AGBL4: variants seen among roughly 807,000 people sequenced by gnomAD.
AGBL4 encodes the protein AGBL carboxypeptidase 4, also known as cytosolic carboxypeptidase 6.
In AGBL4, 58 loss-of-function variants were observed where a neutral mutation model predicts 66.4. The ratio of observed to expected loss-of-function variants is 0.87; its 90% confidence interval spans 0.71 to 1.09. The LOEUF (loss-of-function observed/expected upper bound fraction) is 1.09, where lower values mean the gene tolerates loss of function less well. AGBL4 is among the 50% of genes least tolerant of loss of function. The pLI is 0.00. For synonymous variants in AGBL4, 234 were observed against 222.9 expected, an observed-to-expected ratio of 1.05 and a Z score of -0.44; for missense variants, 579 against 631.0, an observed-to-expected ratio of 0.92 and a Z score of 0.88.
chr1:49,530,259 T>TAAAAAAAAAAAACAA lies in AGBL4; in HGVS notation c.282+167053_282+167054insTTGTTTTTTTTTTTT, dbSNP rs1553221111. ...CAGCTATGTTTTCAAGTAGAATTTGTAAAAAAAAAAAAACAAAAAAAAACT... is the reference window on the plus strand; with the variant it reads ...CAGCTATGTTTTCAAGTAGAATTTGTAAAAAAAAAAAACAAAAAAAAAAAAAAACAAAAAAAAACT... On this transcript the variant is annotated intron_variant, in intron 3 of 13. Coordinates refer to ENST00000371839, the MANE Select transcript of AGBL4 (RefSeq NM_032785.4). Among the ~76,000 whole-genome samples, 6 of 75,988 alleles carry TAAAAAAAAAAAACAA rather than the reference T, an allele frequency of 7.9e-5. No individual in the cohort carries two copies. The East Asian group carries it at 1.5e-3, about 19-fold the overall frequency. The allele number at this position is 75,988 out of a possible 152,430, so 49.9% of individuals were successfully genotyped here.
intron 11 of AGBL4, among the ~76,000 whole-genome samples, chr1:48,557,984 A>G (rs1313101154): frequency 1.3e-5 from 2 of 152,186 alleles, no homozygotes; most frequent in African/African-American, 4.8e-5. Context: ...TACACCATCA[A>G]ATAATGCTGT....
chr1:49,418,549 C>A (rs1023169645), intron 3 of AGBL4, among the ~76,000 whole-genome samples: 4 of 152,112 alleles, frequency 2.6e-5, no homozygotes, highest in African/African-American at 7.2e-5. Context: ...CAACAAAAAA[C>A]CAAGACTCAG....
chr1:49,400,167 C>T (rs1009085627), intron 3 of AGBL4, among the ~76,000 whole-genome samples: 7 of 152,182 alleles, frequency 4.6e-5, no homozygotes, highest in African/African-American at 1.7e-4. Flanking sequence ...TTCTTGGCAA[C>T]TTTGTCAAAA....
At chr1:49,566,959 C>T (rs1200631514) in intron 3 of AGBL4, among the ~76,000 whole-genome samples, 2 of 152,202 alleles carry the variant, frequency 1.3e-5, no homozygotes, top group Non-Finnish European at 2.9e-5. Flanking sequence ...TTTGAGCTTC[C>T]CTCTCGGCTG....
At chr1:49,266,627 A>G (rs1470542848) in intron 3 of AGBL4, among the ~76,000 whole-genome samples, 2 of 151,642 alleles carry the variant, frequency 1.3e-5, no homozygotes, top group African/African-American at 2.4e-5. Flanking sequence ...ACACACACAC[A>G]CACGCGAAGG....
chr1:49,130,371 G>C (rs982207214), intron 4 of AGBL4, among the ~76,000 whole-genome samples: 1 of 152,190 alleles, frequency 6.6e-6, no homozygotes, highest in Non-Finnish European at 1.5e-5. Flanking sequence ...TGGTGTTTTA[G>C]ACATGAAGTC....
intron 5 of AGBL4, among the ~76,000 whole-genome samples, chr1:49,039,776 T>G (rs1006819190): frequency 6.6e-6 from 1 of 152,100 alleles, no homozygotes; most frequent in Non-Finnish European, 1.5e-5. Context: ...TGGCCTTCTG[T>G]TAGACAAGAG....
chr1:49,020,990 A>G (rs1414824975), intron 5 of AGBL4, among the ~76,000 whole-genome samples: 2 of 152,206 alleles, frequency 1.3e-5, no homozygotes, highest in African/African-American at 4.8e-5. Flanking sequence ...TGCAAGTCTG[A>G]GAGAAGACAA....
intron 4 of AGBL4, among the ~76,000 whole-genome samples, chr1:49,173,621 A>G (rs1029223835): frequency 2.0e-5 from 3 of 152,222 alleles, no homozygotes; most frequent in Non-Finnish European, 2.9e-5. Flanking sequence ...TACTAATGAA[A>G]AAAGATATGT....
chr1:49,658,631 G>A (rs1003434428), intron 3 of AGBL4, among the ~76,000 whole-genome samples: 6 of 152,146 alleles, frequency 3.9e-5, no homozygotes, highest in Non-Finnish European at 4.4e-5. Context: ...ATGATAGACT[G>A]GATTAAGAAA....
At chr1:48,651,884 C>T (rs1286499478) in intron 8 of AGBL4, among the ~76,000 whole-genome samples, 1 of 152,174 alleles carries the variant, frequency 6.6e-6, no homozygotes, top group Non-Finnish European at 1.5e-5. Flanking sequence ...GTAAAGTCAT[C>T]CTTCTCATCT....
intron 5 of AGBL4, among the ~76,000 whole-genome samples, chr1:48,989,579 T>C (rs1404311363): frequency 6.6e-6 from 1 of 152,100 alleles, no homozygotes; most frequent in East Asian, 1.9e-4. Flanking sequence ...CTCCATGAGT[T>C]CAATTGTTTT....
intron 6 of AGBL4, among the ~76,000 whole-genome samples, chr1:48,678,722 A>G (rs191485381): frequency 1.3e-5 from 2 of 152,284 alleles, no homozygotes; most frequent in East Asian, 1.9e-4. Context: ...GTAAATGTCT[A>G]TTTGTCTTCC....
intron 6 of AGBL4, among the ~76,000 whole-genome samples, chr1:48,828,209 G>T (rs1426272191): frequency 1.3e-5 from 2 of 149,702 alleles, no homozygotes; most frequent in Non-Finnish European, 3.0e-5. Flanking sequence ...AAGAAAAAAA[G>T]AAAATGGGGT....
chr1:49,932,902 G>T (rs1653510482), intron 1 of AGBL4, among the ~76,000 whole-genome samples: 5 of 152,084 alleles, frequency 3.3e-5, no homozygotes, highest in Admixed American at 3.3e-4. Context: ...AAGAGTCAAG[G>T]AAGTCTACAA....
intron 2 of AGBL4, among the ~76,000 whole-genome samples, chr1:49,815,224 T>C (rs1324737921): frequency 1.3e-5 from 2 of 152,190 alleles, no homozygotes; most frequent in Non-Finnish European, 2.9e-5. Flanking sequence ...ACTTCATGAC[T>C]TCAATTACTT....
At chr1:48,717,356 T>C (rs2148526934) in intron 6 of AGBL4, among the ~76,000 whole-genome samples, 1 of 152,370 alleles carries the variant, frequency 6.6e-6, no homozygotes, top group African/African-American at 2.4e-5. Flanking sequence ...GTTTTGCACA[T>C]TTAAAATTTT....
intron 3 of AGBL4, among the ~76,000 whole-genome samples, chr1:49,620,769 C>A (rs182452240): frequency 5.3e-5 from 8 of 152,066 alleles, no homozygotes; most frequent in Middle Eastern, 3.4e-3. Flanking sequence ...AATAACAGGT[C>A]AATATTAGGT....
intron 4 of AGBL4, among the ~76,000 whole-genome samples, chr1:49,150,670 A>G (rs1557681884): frequency 6.6e-6 from 1 of 152,086 alleles, no homozygotes; most frequent in African/African-American, 2.4e-5. Flanking sequence ...ATTCTCCCCA[A>G]CTACTTACTT....
Sources: allele counts gnomAD v4.1 joint callset (sites outside exome capture counted in the v4.1 genomes callset), GRCh38; gene constraint gnomAD v4.1.1; transcripts MANE v1.5; gene names NCBI Gene and HGNC (gene_info 2026-07-23, HGNC 2026-07-21).